BRINP1: variants seen among roughly 807,000 people sequenced by gnomAD.
BRINP1 encodes BMP/retinoic acid-inducible neural-specific protein 1.
In BRINP1, 17 loss-of-function variants were observed where a neutral mutation model predicts 72.9. That is an observed-to-expected ratio of 0.23 (90% CI 0.16 to 0.35). BRINP1 has a LOEUF of 0.35. BRINP1 is among the 10% of genes least tolerant of loss of function. The probability of loss-of-function intolerance (pLI) is 1.00; values close to 1 mark genes in which losing one functional copy is unlikely to be tolerated. For missense variants in BRINP1, 850 were observed against 1,001.6 expected (o/e 0.85, Z 2.04); for synonymous variants, 418 against 378.5 (o/e 1.10, Z -1.21).
intron 6 of BRINP1, among the ~76,000 whole-genome samples, chr9:119,211,421 T>G (rs757198578): frequency 9.9e-5 from 15 of 152,208 alleles, no homozygotes; most frequent in Admixed American, 5.2e-4. Context: ...GGTCTCGAAC[T>G]CCTGACCTCA....
intron 2 of BRINP1, among the ~76,000 whole-genome samples, chr9:119,250,734 A>G (rs1402747624): frequency 6.6e-6 from 1 of 152,202 alleles, no homozygotes; most frequent in African/African-American, 2.4e-5. Flanking sequence ...GCTCAGTAAC[A>G]ATCACAGTTC....
intron 2 of BRINP1, among the ~76,000 whole-genome samples, chr9:119,312,168 C>G (rs1387391288): frequency 1.3e-5 from 2 of 152,180 alleles, no homozygotes; most frequent in East Asian, 3.8e-4. Flanking sequence ...GACCAGAGTT[C>G]CCTTTATAAA....
Position 119,167,293 on chromosome 9 carries a change from T to C in BRINP1, c.2077A>G (p.Met693Val), listed in dbSNP as rs1247371371. The change falls in exon 8 of 8, where the codon ATG becomes GTG. Residue 693 changes from methionine (M) to valine (V), a missense_variant. By Grantham distance (21) the Met-to-Val change is conservative. Transcript: ENST00000265922. The surrounding 1 kb of genome is among the most constrained non-coding windows in gnomAD (Gnocchi z 4.3). Reference protein sequence around the residue: ...GGQFYSSSSVMLLLLDIRDRI... With the variant: ...GGQFYSSSSVVLLLLDIRDRI... Reference sequence around the variant, plus strand: ...TCCCGAATATCCAACAAGAGGAGCATCACTGACGAAGAGGAATAGAACTGG... The same window carrying C: ...TCCCGAATATCCAACAAGAGGAGCACCACTGACGAAGAGGAATAGAACTGG... 1.9e-6 allele frequency: 3 copies of C among 1,614,146 alleles called. No homozygotes were observed. Among genetic ancestry groups the C allele is most frequent in the Non-Finnish European group, 1.7e-6 (2 of 1,180,036 alleles).
At chr9:119,217,900 T>G (rs1829996053) in intron 5 of BRINP1, among the ~76,000 whole-genome samples, 1 of 152,046 alleles carries the variant, frequency 6.6e-6, no homozygotes, top group African/African-American at 2.4e-5. Flanking sequence ...TCCCATAATC[T>G]TTGCACTTGC....
intron 5 of BRINP1, among the ~76,000 whole-genome samples, chr9:119,235,736 T>G (rs924612681): frequency 2.0e-5 from 3 of 152,210 alleles, no homozygotes; most frequent in African/African-American, 7.2e-5. Context: ...TGGGGTCTAG[T>G]ATTGGCTTTG....
At chr9:119,218,934 G>A (rs987856759) in intron 5 of BRINP1, among the ~76,000 whole-genome samples, 14 of 152,050 alleles carry the variant, frequency 9.2e-5, no homozygotes, top group South Asian at 4.2e-4. Context: ...ATAAGAAGCC[G>A]GAAACTTAGG....
rs1830222236 is a variant in BRINP1 at position 119,239,207 on chromosome 9, TG to T, written c.580-448del. Among the ~76,000 whole-genome samples the T allele has an allele frequency of 2.0e-5, 3 of 152,214 alleles. No homozygotes were observed. The South Asian group carries it at 6.2e-4, about 32-fold the overall frequency. ...AGAGAGGTTGTGAGACCAGGTACGATGGGTCTAAACGCCTGGCACATGGCAT... is the reference window on the plus strand; with the variant it reads ...AGAGAGGTTGTGAGACCAGGTACGATGGTCTAAACGCCTGGCACATGGCAT... On this transcript the variant is annotated intron_variant, in intron 4 of 7. Coordinates refer to ENST00000265922, the MANE Select transcript of BRINP1 (RefSeq NM_014618.3).
intron 5 of BRINP1, among the ~76,000 whole-genome samples, chr9:119,221,987 C>T (rs947106157): frequency 3.9e-5 from 6 of 152,062 alleles, no homozygotes; most frequent in Non-Finnish European, 5.9e-5. Context: ...TATAATGTCC[C>T]CTCTTAGAGA....
intron 6 of BRINP1, among the ~76,000 whole-genome samples, chr9:119,209,788 G>A (rs1381816223): frequency 6.6e-6 from 1 of 152,208 alleles, no homozygotes; most frequent in Non-Finnish European, 1.5e-5. Context: ...TTAAAGGCAT[G>A]CTAGCACCAA....
At chr9:119,181,148 G>T (rs1829552345) in intron 7 of BRINP1, among the ~76,000 whole-genome samples, 1 of 152,084 alleles carries the variant, frequency 6.6e-6, no homozygotes, top group Non-Finnish European at 1.5e-5. Flanking sequence ...TGACAGAAAG[G>T]CTAAAAACAG....
At chr9:119,232,027 G>A (rs1197884802) in intron 5 of BRINP1, among the ~76,000 whole-genome samples, 3 of 151,986 alleles carry the variant, frequency 2.0e-5, no homozygotes, top group East Asian at 1.9e-4. Flanking sequence ...TTTGTCAAAC[G>A]TAGGTTCCAA....
chr9:119,366,765 T>A (rs1831696815), intron 1 of BRINP1, among the ~76,000 whole-genome samples: 1 of 150,238 alleles, frequency 6.7e-6, no homozygotes, highest in South Asian at 2.1e-4. Context: ...CTGGGAGGAG[T>A]GGAAAGGGTA....
chr9:119,311,239 A>T (rs1831063428), intron 2 of BRINP1, among the ~76,000 whole-genome samples: 1 of 152,218 alleles, frequency 6.6e-6, no homozygotes, highest in African/African-American at 2.4e-5. Context: ...TAAATAAAAG[A>T]AGGAAGGAAT....
chr9:119,170,917 A>C (rs1199100426), intron 7 of BRINP1, among the ~76,000 whole-genome samples: 2,204 of 144,588 alleles, frequency 0.015, 31 homozygotes, highest in African/African-American at 0.057. Flanking sequence ...AATACTTTAC[A>C]GACAAGCAAA....
intron 5 of BRINP1, among the ~76,000 whole-genome samples, chr9:119,234,447 T>G (rs1371397325): frequency 1.3e-5 from 2 of 152,204 alleles, no homozygotes; most frequent in Non-Finnish European, 2.9e-5. Flanking sequence ...TCATTCATTT[T>G]CTTTTCTTAC....
chr9:119,298,319 T>C (rs1830902396), intron 2 of BRINP1, among the ~76,000 whole-genome samples: 1 of 152,220 alleles, frequency 6.6e-6, no homozygotes, highest in Admixed American at 6.5e-5. Flanking sequence ...TTTTGAGTAT[T>C]ACATTCTACA....
chr9:119,274,653 C>T (rs190414474), intron 2 of BRINP1, among the ~76,000 whole-genome samples: 1 of 152,254 alleles, frequency 6.6e-6, no homozygotes, highest in East Asian at 1.9e-4. Context: ...TCTAACAGCT[C>T]TGTCTATTTC....
chr9:119,167,493 G>C lies in BRINP1; in HGVS notation c.1877C>G (p.Pro626Arg). ...GCCAGTCTCATTTCGCAGTAGGGTA[G>C]GTAGCCGAGTCCGACTACGTAGGTA... ...HIYLRSRTRL[P>R]TLLRNETGQG... The change falls in exon 8 of 8, where the codon CCT (proline) becomes CGT (arginine). Residue 626 changes from proline (P) to arginine (R), a missense_variant. Physicochemically the swap from Pro to Arg is moderately radical, Grantham distance 103 (BLOSUM62 -2). Transcript: ENST00000265922. The surrounding 1 kb of genome is among the most constrained non-coding windows in gnomAD (Gnocchi z 4.3). 6.2e-7 allele frequency: 1 copy of C among 1,614,168 alleles called. No homozygotes were observed. Among genetic ancestry groups the C allele is most frequent in the South Asian group, 1.1e-5 (1 of 91,078 alleles).
chr9:119,226,437 T>A (rs10739532), intron 5 of BRINP1, among the ~76,000 whole-genome samples: 123,404 of 151,910 alleles, frequency 0.81, 50,254 homozygotes, highest in Middle Eastern at 0.92. Flanking sequence ...TTTATTTGAA[T>A]GGTATAGCCC....
Sources: allele counts gnomAD v4.1 joint callset (sites outside exome capture counted in the v4.1 genomes callset), GRCh38; gene constraint gnomAD v4.1.1; non-coding constraint Gnocchi (gnomAD v3.1); transcripts MANE v1.5; gene names NCBI Gene and HGNC (gene_info 2026-07-23, HGNC 2026-07-21).